PTPRE: variants seen among roughly 807,000 people sequenced by gnomAD.
PTPRE encodes receptor-type tyrosine-protein phosphatase epsilon.
A neutral mutation model predicts 102.0 loss-of-function variants in PTPRE; 51 were observed. That is an observed-to-expected ratio of 0.50 (90% CI 0.40 to 0.63). The LOEUF is 0.63. Among genes scored for constraint, PTPRE ranks in the 30% least tolerant of loss-of-function variants. The pLI, the probability that PTPRE is intolerant of heterozygous loss-of-function variation, is 0.00. For synonymous variants in PTPRE, 345 were observed against 348.2 expected (o/e 0.99, Z 0.10); for missense variants, 752 against 915.1 (o/e 0.82, Z 2.30).
At chr10:127,959,928 A>G (rs950661709) in intron 1 of PTPRE, among the ~76,000 whole-genome samples, 1 of 152,226 alleles carries the variant, frequency 6.6e-6, no homozygotes, top group African/African-American at 2.4e-5. Context: ...ATTCAAAGGG[A>G]GATTTACTGA....
At chr10:128,061,156 C>T (rs957388672) in intron 8 of PTPRE, 141 bp downstream of exon 8, 12 of 706,854 alleles carry the variant, frequency 1.7e-5, no homozygotes, top group East Asian at 5.5e-5. Context: ...CGGAACTGCC[C>T]GTGCTTTACA....
intron 1 of PTPRE, among the ~76,000 whole-genome samples, chr10:127,973,929 C>G (rs1002963108): frequency 4.6e-5 from 7 of 152,188 alleles, no homozygotes; most frequent in African/African-American, 1.7e-4. Flanking sequence ...CTGCCCCCTC[C>G]CCGGCCGCCC....
chr10:128,076,536 A>T, intron 17 of PTPRE, 67 bp from the exon 18 acceptor site: 1 of 1,471,308 alleles, frequency 6.8e-7, no homozygotes. Flanking sequence ...ATTCTGTGTT[A>T]TAAACTCAAA....
chr10:128,013,117 G>A (rs114739139), intron 2 of PTPRE, among the ~76,000 whole-genome samples: 1 of 152,086 alleles, frequency 6.6e-6, no homozygotes, highest in Admixed American at 6.5e-5. Context: ...GGTTACTGCT[G>A]TGCTGCATTA....
intron 11 of PTPRE, 76 bp from the exon 12 acceptor site, chr10:128,068,047 C>A: frequency 6.6e-7 from 1 of 1,506,250 alleles, no homozygotes; most frequent in Non-Finnish European, 9.0e-7. Flanking sequence ...CCCACGGCGG[C>A]GTCCTCAGAA....
At position 128,070,217 on chromosome 10, in the gene PTPRE, C is replaced by A; in HGVS notation, c.1144-84C>A. ...GGCAAAAAGAGAAAAAGAAGAAAGCCGCCCTCTTTGGTCTGCCAAGCTCCA... is the reference window on the plus strand; with the variant it reads ...GGCAAAAAGAGAAAAAGAAGAAAGCAGCCCTCTTTGGTCTGCCAAGCTCCA... On this transcript the variant is annotated intron_variant, in intron 13 of 20. Transcript: ENST00000254667. This position sits in a 1 kb window ranked among gnomAD's most constrained non-coding sequence, Gnocchi z 4.8. The A allele has an allele frequency of 3.4e-6, 5 of 1,458,898 alleles. No homozygotes were observed. Among genetic ancestry groups the A allele is most frequent in the Non-Finnish European group, 3.7e-6 (4 of 1,083,358 alleles). The allele number at this position is 1,458,898 out of a possible 1,614,324, so 90.4% of individuals were successfully genotyped here.
intron 1 of PTPRE, among the ~76,000 whole-genome samples, chr10:127,946,298 T>G (rs971096712): frequency 2.3e-4 from 35 of 152,188 alleles, no homozygotes; most frequent in Admixed American, 2.3e-3. Context: ...TTCACTGATA[T>G]TGATAACTTA....
At chr10:127,919,425 G>A (rs1846436705) in intron 1 of PTPRE, among the ~76,000 whole-genome samples, 1 of 152,236 alleles carries the variant, frequency 6.6e-6, no homozygotes, top group African/African-American at 2.4e-5. Flanking sequence ...AGGAAAGGGA[G>A]ACTTGCCCAG....
intron 20 of PTPRE, among the ~76,000 whole-genome samples, chr10:128,082,095 G>A (rs1851758701): frequency 1.3e-5 from 2 of 150,650 alleles, no homozygotes; most frequent in Admixed American, 1.3e-4. Flanking sequence ...TACAGTAAAT[G>A]TAGGCTTTAA....
At chr10:127,995,810 C>G (rs933877662) in intron 2 of PTPRE, among the ~76,000 whole-genome samples, 1 of 141,196 alleles carries the variant, frequency 7.1e-6, no homozygotes, top group African/African-American at 2.8e-5. Flanking sequence ...ATGTTTATAC[C>G]AACTCTACAC....
intron 1 of PTPRE, among the ~76,000 whole-genome samples, chr10:127,916,836 C>T (rs913673844): frequency 1.3e-5 from 2 of 152,200 alleles, no homozygotes; most frequent in South Asian, 2.1e-4. Context: ...CTAGGGAAGA[C>T]TATGGACTCA....
intron 1 of PTPRE, among the ~76,000 whole-genome samples, chr10:127,970,350 A>T (rs1850632125): frequency 6.6e-6 from 1 of 152,162 alleles, no homozygotes; most frequent in East Asian, 1.9e-4. Flanking sequence ...AGCTTTGCGG[A>T]TGAAAGGGTT....
At chr10:128,044,509 CA>C (rs771143643) in intron 3 of PTPRE, among the ~76,000 whole-genome samples, 16 of 152,246 alleles carry the variant, frequency 1.1e-4, no homozygotes, top group Admixed American at 6.5e-5. Context: ...TCCAAAGTCA[CA>C]TTCAAGCCTA....
At chr10:127,950,854 TGGGAGGCCGAGGCGGGCAGATCACTA>T (rs1385715293) in intron 1 of PTPRE, among the ~76,000 whole-genome samples, 3 of 152,184 alleles carry the variant, frequency 2.0e-5, no homozygotes, top group South Asian at 2.1e-4. Context: ...CCCAGCACTT[TGGGAGGCCGAGGCGGGCAGATCACTA>T]GGTCAGGAGA....
At chr10:128,051,986 C>T (rs1197281197) in intron 6 of PTPRE, among the ~76,000 whole-genome samples, 1 of 152,222 alleles carries the variant, frequency 6.6e-6, no homozygotes, top group African/African-American at 2.4e-5. Context: ...CCTCAGCCTC[C>T]CAAGTAGCTG....
At chr10:127,918,041 A>G (rs1278487463) in intron 1 of PTPRE, among the ~76,000 whole-genome samples, 1 of 152,042 alleles carries the variant, frequency 6.6e-6, no homozygotes, top group African/African-American at 2.4e-5. Flanking sequence ...AAAAAAAGCC[A>G]TATAATGATG....
chr10:128,069,465 T>C, intron 12 of PTPRE: 2 of 567,652 alleles, frequency 3.5e-6, no homozygotes, highest in Non-Finnish European at 6.2e-6. Flanking sequence ...GCACCAGCTG[T>C]TAATGTGCCT....
At chr10:128,065,357 G>C (rs1352302437) in intron 10 of PTPRE, among the ~76,000 whole-genome samples, 2 of 152,162 alleles carry the variant, frequency 1.3e-5, no homozygotes, top group Admixed American at 1.3e-4. Flanking sequence ...TCCCCCTTGA[G>C]GTGGGTCCTC....
At chr10:128,062,394 G>A (rs1418472788) in intron 9 of PTPRE, among the ~76,000 whole-genome samples, 2 of 152,334 alleles carry the variant, frequency 1.3e-5, no homozygotes, top group East Asian at 3.9e-4. Context: ...GTGCCCAGCT[G>A]GAAACCTCAG....
Sources: allele counts gnomAD v4.1 joint callset (sites outside exome capture counted in the v4.1 genomes callset), GRCh38; gene constraint gnomAD v4.1.1; non-coding constraint Gnocchi (gnomAD v3.1); transcripts MANE v1.5; gene names NCBI Gene and HGNC (gene_info 2026-07-23, HGNC 2026-07-21).